USP40: variants seen among roughly 807,000 people sequenced by gnomAD.
USP40 encodes ubiquitin specific peptidase 40, also known as ubiquitin carboxyl-terminal hydrolase 40.
In USP40, 143 loss-of-function variants were observed where a neutral mutation model predicts 166.2. The observed-to-expected ratio is 0.86, with a 90% CI of 0.75 to 0.99. The LOEUF is 0.99. Ranked by LOEUF, USP40 falls within the 50% of genes least tolerant of loss-of-function variation. USP40 has a pLI of 0.00. For synonymous variants in USP40, 498 were observed against 524.0 expected, an observed-to-expected ratio of 0.95 and a Z score of 0.68; for missense variants, 1,444 against 1,479.7, an observed-to-expected ratio of 0.98 and a Z score of 0.40.
At chr2:233,513,665 A>G (rs1295950653) in intron 18 of USP40, among the ~76,000 whole-genome samples, 3 of 152,302 alleles carry the variant, frequency 2.0e-5, no homozygotes, top group African/African-American at 7.2e-5. Flanking sequence ...AGAGCAGTAC[A>G]AGCAGACTGC....
chr2:233,542,556 T>C, intron 8 of USP40, 193 bp from the exon 9 acceptor site: 1 of 431,412 alleles, frequency 2.3e-6, no homozygotes, highest in Non-Finnish European at 4.1e-6. Context: ...TACAAAAAGA[T>C]AAAAAAAATT....
chr2:233,516,568 G>A (rs938713840), intron 18 of USP40, among the ~76,000 whole-genome samples: 1 of 151,842 alleles, frequency 6.6e-6, no homozygotes, highest in East Asian at 1.9e-4. Context: ...GGCACCTGTA[G>A]TCCCAGCTAC....
chr2:233,557,222 G>A (rs1204016704), intron 4 of USP40, among the ~76,000 whole-genome samples: 1 of 152,188 alleles, frequency 6.6e-6, no homozygotes, highest in Non-Finnish European at 1.5e-5. Flanking sequence ...ATATGAACAG[G>A]CTGGGTTCAG....
At chr2:233,509,906 C>A in intron 21 of USP40, 143 bp downstream of exon 21, 1 of 499,318 alleles carries the variant, frequency 2.0e-6, no homozygotes, top group Non-Finnish European at 3.5e-6. Flanking sequence ...AATAATTCCT[C>A]TAGTGAGTAC....
chr2:233,494,461 G>C (rs1213797640), intron 24 of USP40, among the ~76,000 whole-genome samples: 1 of 152,018 alleles, frequency 6.6e-6, no homozygotes, highest in African/African-American at 2.4e-5. Context: ...CCACGTTTAG[G>C]AATTTACATT....
At chr2:233,530,631 AG>A (rs755545386) in intron 11 of USP40, among the ~76,000 whole-genome samples, 23 of 152,186 alleles carry the variant, frequency 1.5e-4, no homozygotes, top group Non-Finnish European at 3.1e-4. Context: ...TCACAGAAAT[AG>A]TATCTGATTT....
In USP40 at chr2:233,533,671, G is replaced by A. The variant is rs1186202461; in HGVS notation, c.1279C>T (p.Gln427Ter). Residue 427 changes from glutamine (Q) to a stop codon, truncating the protein, a stop_gained, in exon 11 of 32, where the codon CAG (glutamine) becomes TAG (stop). Coordinates refer to ENST00000678225, the MANE Select transcript of USP40 (RefSeq NM_001365479.2). LOFTEE classifies it high-confidence loss of function. ...GGAGGAAGCATCTTGAAAATTTGCT[G>A]GTCATTCCTTTGGAAATCAGACTCA... ...QAESDFQRND[Q>*]QIFKMLPPES... 2.5e-6 allele frequency: 4 copies of A among 1,613,642 alleles called. No homozygotes were observed. Among genetic ancestry groups the A allele is most frequent in the Non-Finnish European group, 3.4e-6 (4 of 1,179,782 alleles).
intron 21 of USP40, among the ~76,000 whole-genome samples, chr2:233,506,731 C>A (rs1348368894): frequency 2.2e-5 from 3 of 136,028 alleles, no homozygotes; most frequent in Non-Finnish European, 4.6e-5. Flanking sequence ...ACTGCCTCTA[C>A]CGAAAATACA....
chr2:233,527,364 T>C (rs1365938977), intron 13 of USP40, 43 bp downstream of exon 13: 2 of 1,588,396 alleles, frequency 1.3e-6, no homozygotes, highest in South Asian at 1.1e-5. Context: ...TAGCTGGAGA[T>C]GGTGCTCGAT....
chr2:233,512,650 T>TTAGTATATTATTTTTC, intron 18 of USP40, 28 bp from the exon 19 acceptor site: 1 of 1,335,526 alleles, frequency 7.5e-7, no homozygotes, highest in South Asian at 1.5e-5. Flanking sequence ...ATTATTTTTC[T>TTAGTATATTATTTTTC]TAGAGAGCTA....
intron 4 of USP40, among the ~76,000 whole-genome samples, chr2:233,557,270 G>A (rs2071179619): frequency 6.6e-6 from 1 of 152,202 alleles, no homozygotes; most frequent in African/African-American, 2.4e-5. Context: ...CACCCAGAAT[G>A]TGCATTTATT....
chr2:233,492,754 G>A (rs1480091984), intron 25 of USP40: 1 of 152,170 alleles, frequency 6.6e-6, no homozygotes, highest in Non-Finnish European at 1.5e-5. Flanking sequence ...AACTAAATAA[G>A]TAAAGCCTGA....
Position 233,533,645 on chromosome 2 carries a change from T to C in USP40, c.1305A>G (p.Pro435=), listed in dbSNP as rs1207711723. ...TGCTATTGTTTAAACCTGGGGATTC[T>C]GGAGGAAGCATCTTGAAAATTTGCT... is the stretch of plus-strand genomic sequence containing the variant. The part of the protein sequence containing the change: ...NDQQIFKMLP[P]ESPGLNNSIS... The change falls in exon 11 of 32, where the codon CCA becomes CCG. Residue 435 remains proline, a synonymous_variant. Transcript: ENST00000678225. 110 of 1,613,744 alleles carry C rather than the reference T, an allele frequency of 6.8e-5. No homozygotes were observed. The highest frequency in any genetic ancestry group is 9.0e-5 in the Non-Finnish European group (106 of 1,179,824).
intron 21 of USP40, among the ~76,000 whole-genome samples, chr2:233,506,155 G>T (rs2066403984): frequency 6.6e-6 from 1 of 152,012 alleles, no homozygotes; most frequent in South Asian, 2.1e-4. Flanking sequence ...CTGACACATA[G>T]GCCAAAGCAC....
chr2:233,544,046 G>A (rs777023442), intron 8 of USP40, among the ~76,000 whole-genome samples: 19 of 152,150 alleles, frequency 1.2e-4, no homozygotes, highest in African/African-American at 1.4e-4. Context: ...ACTCAGTCCC[G>A]TAAGACTGTT....
chr2:233,519,272 C>T (rs1349729593), intron 18 of USP40, among the ~76,000 whole-genome samples: 1 of 152,102 alleles, frequency 6.6e-6, no homozygotes, highest in Non-Finnish European at 1.5e-5. Context: ...AAGGCTGTCA[C>T]AGAAAGCCTA....
At chr2:233,479,651 G>GTGTGTGTC (rs1176520939) in intron 31 of USP40, among the ~76,000 whole-genome samples, 1 of 151,864 alleles carries the variant, frequency 6.6e-6, no homozygotes, top group Admixed American at 6.6e-5. Context: ...GTGTGTGTGT[G>GTGTGTGTC]TGTGTGTGTC....
chr2:233,520,739 C>CTAA (rs1222457150), intron 17 of USP40, among the ~76,000 whole-genome samples: 1 of 152,110 alleles, frequency 6.6e-6, no homozygotes, highest in African/African-American at 2.4e-5. Context: ...ATTCCATGAA[C>CTAA]TAACTAAATG....
At chr2:233,495,329 T>C (rs1300971220) in intron 24 of USP40, among the ~76,000 whole-genome samples, 6 of 151,972 alleles carry the variant, frequency 3.9e-5, no homozygotes, top group Non-Finnish European at 7.4e-5. Flanking sequence ...ATATTTTACA[T>C]GGTTAGTCTT....
Sources: allele counts gnomAD v4.1 joint callset (sites outside exome capture counted in the v4.1 genomes callset), GRCh38; gene constraint gnomAD v4.1.1; transcripts MANE v1.5; gene names NCBI Gene and HGNC (gene_info 2026-07-23, HGNC 2026-07-21).